Variants in ARMC2 observed in about 807,000 individuals in gnomAD.
The protein encoded by ARMC2 is armadillo repeat-containing protein 2.
ARMC2 carries 67 observed loss-of-function variants against 90.3 expected under a neutral mutation model. The ratio of observed to expected loss-of-function variants is 0.74; its 90% CI spans 0.61 to 0.91. ARMC2 has a LOEUF of 0.91. ARMC2 is among the 40% of genes least tolerant of loss of function. The pLI, the probability that ARMC2 is intolerant of heterozygous loss-of-function variation, is 0.00. For missense variants in ARMC2, 920 were observed against 1,030.9 expected, an observed-to-expected ratio of 0.89 and a Z score of 1.47; for synonymous variants, 393 against 393.0, an observed-to-expected ratio of 1.00 and a Z score of 0.00.
intron 3 of ARMC2, among the ~76,000 whole-genome samples, chr6:108,861,302 G>A (rs545519580): frequency 4.7e-4 from 71 of 152,340 alleles, no homozygotes; most frequent in Non-Finnish European, 8.4e-4. Context: ...GCGTGCACAC[G>A]CATGTGCTTG....
At chr6:109,037,921 AATTCCATT>A in the ARMC2 span, among the ~76,000 whole-genome samples, 5 of 151,902 alleles carry the variant, frequency 3.3e-5, no homozygotes, top group African/African-American at 9.7e-5. Context: ...TAAGCTGACT[AATTCCATT>A]ATCTTTTGTT....
rs1338396478 is a variant in ARMC2 at position 108,953,279 on chromosome 6, G to T, written c.1843G>T (p.Ala615Ser). The T allele has an allele frequency of 5.0e-6, 8 of 1,612,774 alleles. No individual in the cohort carries two copies. The highest frequency in any genetic ancestry group is 6.8e-6 in the Non-Finnish European group (8 of 1,179,880). Residue 615 changes from alanine (A) to serine (S), a missense_variant, in exon 13 of 18, where the codon GCC (alanine) becomes TCC (serine). Physicochemically the swap from Ala to Ser is moderately conservative, Grantham distance 99. Coordinates refer to ENST00000392644, the MANE Select transcript of ARMC2 (RefSeq NM_032131.6). ...IKLTRVLANIAIHPGVGPVLA... is the reference protein window; with the variant it reads ...IKLTRVLANISIHPGVGPVLA... ...GCTGACTCGTGTGCTGGCCAACATTGCCATCCACCCGGGCGTGGGCCCGGT... is the reference window on the plus strand; with the variant it reads ...GCTGACTCGTGTGCTGGCCAACATTTCCATCCACCCGGGCGTGGGCCCGGT...
chr6:108,866,469 T>G (rs1426665751), intron 3 of ARMC2, among the ~76,000 whole-genome samples: 7 of 152,240 alleles, frequency 4.6e-5, no homozygotes, highest in Non-Finnish European at 1.0e-4. Flanking sequence ...CGTCAGAGGC[T>G]AGGGCCTTGA....
chr6:108,943,891 T>C (rs1315628823), intron 12 of ARMC2, among the ~76,000 whole-genome samples: 2 of 152,082 alleles, frequency 1.3e-5, no homozygotes, highest in Admixed American at 1.3e-4. Context: ...AACTTAAAAT[T>C]TGAGTTTAAT....
chr6:109,038,514 A>G, the ARMC2 span, among the ~76,000 whole-genome samples: 1 of 152,152 alleles, frequency 6.6e-6, no homozygotes, highest in East Asian at 1.9e-4. Context: ...ACAAAAAACA[A>G]CACAAGTCTT....
chr6:108,874,869 G>T (rs750595149), intron 4 of ARMC2, among the ~76,000 whole-genome samples: 29 of 151,742 alleles, frequency 1.9e-4, no homozygotes, highest in Non-Finnish European at 2.9e-4. Flanking sequence ...AATCTCTAAG[G>T]TTCCTTTCAG....
intron 2 of ARMC2, among the ~76,000 whole-genome samples, chr6:108,854,791 A>C (rs947214605): frequency 2.6e-5 from 4 of 152,174 alleles, no homozygotes; most frequent in African/African-American, 9.7e-5. Flanking sequence ...TTGGTGTTGT[A>C]CATTTTATGT....
the ARMC2 span, among the ~76,000 whole-genome samples, chr6:109,022,191 T>C: frequency 1.3e-5 from 2 of 152,224 alleles, no homozygotes; most frequent in South Asian, 4.1e-4. Context: ...GACTGAGGAA[T>C]GAAGAATGCC....
intron 9 of ARMC2, among the ~76,000 whole-genome samples, 180 bp from the exon 10 acceptor site, chr6:108,912,155 A>G (rs1773501603): frequency 6.6e-6 from 1 of 152,178 alleles, no homozygotes; most frequent in Non-Finnish European, 1.5e-5. Context: ...TATTACAGAG[A>G]CTTATCTTAG....
chr6:109,012,690 C>A, the ARMC2 span, among the ~76,000 whole-genome samples: 73 of 152,066 alleles, frequency 4.8e-4, 2 homozygotes, highest in Non-Finnish European at 1.2e-4. Context: ...ACACAGAGTT[C>A]TAAGTAAAAG....
intron 17 of ARMC2, among the ~76,000 whole-genome samples, chr6:108,971,147 C>A (rs1403085762): frequency 6.6e-6 from 1 of 152,136 alleles, no homozygotes; most frequent in Non-Finnish European, 1.5e-5. Context: ...TCACTTGAAT[C>A]TGGGACATGA....
chr6:108,988,517 G>T, the ARMC2 span: 3 of 1,578,446 alleles, frequency 1.9e-6, no homozygotes, highest in Non-Finnish European at 2.6e-6. Flanking sequence ...AAGTTACAAA[G>T]TAAATAAGCC....
At chr6:108,860,293 T>C (rs1179638615) in intron 3 of ARMC2, among the ~76,000 whole-genome samples, 1 of 152,152 alleles carries the variant, frequency 6.6e-6, no homozygotes, top group Non-Finnish European at 1.5e-5. Context: ...CTTTATAGTC[T>C]CTGTTGCATT....
the ARMC2 span, among the ~76,000 whole-genome samples, chr6:109,001,056 G>A: frequency 6.6e-6 from 1 of 152,220 alleles, no homozygotes; most frequent in African/African-American, 2.4e-5. Context: ...CAGAACTTGT[G>A]TTCTACTTAT....
chr6:108,967,495 C>T (rs1475658966), intron 17 of ARMC2, among the ~76,000 whole-genome samples: 2 of 152,122 alleles, frequency 1.3e-5, no homozygotes, highest in East Asian at 3.9e-4. Context: ...GGCCCTGCTG[C>T]CTGTTACAGT....
rs115344948 is a variant in ARMC2 at position 108,867,278 on chromosome 6, T to C, written c.292-1546T>C. Among the ~76,000 whole-genome samples, 617 of 152,236 alleles carry C rather than the reference T, an allele frequency of 4.1e-3. 2 individuals are homozygous for C. The highest frequency in any genetic ancestry group is 0.014 in the African/African-American group (578 of 41,530). ...TGAGTCACCCTGTGAGGGTCTGGCA[T>C]CAGGTCGGAGGCCACTCAGATTAGA... is the stretch of plus-strand genomic sequence containing the variant. On this transcript the variant is annotated intron_variant, in intron 3 of 17. Coordinates refer to ENST00000392644, the MANE Select transcript of ARMC2 (RefSeq NM_032131.6).
intron 5 of ARMC2, among the ~76,000 whole-genome samples, chr6:108,893,701 G>A (rs377428527): frequency 2.0e-5 from 3 of 152,172 alleles, no homozygotes; most frequent in Non-Finnish European, 4.4e-5. Context: ...AAATCTTACC[G>A]GGAAATCAAA....
intron 13 of ARMC2, among the ~76,000 whole-genome samples, chr6:108,954,181 A>G (rs1777398589): frequency 6.6e-6 from 1 of 152,232 alleles, no homozygotes. Flanking sequence ...AAATACAAGC[A>G]TATTGGGAGT....
At chr6:108,964,108 C>A in intron 15 of ARMC2, 72 bp from the exon 16 acceptor site, 1 of 1,540,248 alleles carries the variant, frequency 6.5e-7, no homozygotes, top group Non-Finnish European at 8.8e-7. Context: ...TTTCCCCATA[C>A]CATCTGTAAA....
Sources: gnomAD v4.1 joint callset for allele counts (sites outside exome capture counted in the v4.1 genomes callset) on GRCh38, gnomAD v4.1.1 for gene constraint, MANE v1.5 for transcripts, NCBI Gene and HGNC (gene_info 2026-07-23, HGNC 2026-07-21) for gene names.